Variants in TUBGCP2 observed in about 807,000 individuals in gnomAD.
The protein encoded by TUBGCP2 is gamma-tubulin complex component 2.
A neutral mutation model predicts 92.2 loss-of-function variants in TUBGCP2; 55 were observed. That is an observed-to-expected ratio of 0.60 (90% confidence interval 0.48 to 0.75). The LOEUF is 0.75. Among genes scored for constraint, TUBGCP2 ranks in the 30% least tolerant of loss-of-function variants. TUBGCP2 has a pLI of 0.00. For missense variants in TUBGCP2, 1,093 were observed against 1,188.9 expected (o/e 0.92, Z 1.19); for synonymous variants, 533 against 505.2 (o/e 1.06, Z -0.74).
intron 1 of TUBGCP2, among the ~76,000 whole-genome samples, 179 bp from the exon 2 acceptor site, chr10:133,303,159 C>T (rs3008351): frequency 2.0e-5 from 3 of 152,040 alleles, no homozygotes; most frequent in African/African-American, 7.2e-5. Flanking sequence ...TCTGCATGGG[C>T]CTGGGATTAG....
rs1847530425 is a variant in TUBGCP2, at chr10:133,298,011, G to A, written c.557C>T (p.Ala186Val). ...IFPAWVYERP[A>V]LIGDFLIGAG... ...ACCAATCAGGAAATCCCCGATCAGG[G>A]CAGGTCTCTCATACACCCATGCTGG... is the stretch of plus-strand genomic sequence containing the variant. Residue 186 changes from alanine (A) to valine (V), a missense_variant, in exon 5 of 18, where the codon GCC becomes GTC. Physicochemically the swap from Ala to Val is moderately conservative, Grantham distance 64. Coordinates refer to ENST00000252936, the MANE Select transcript of TUBGCP2 (RefSeq NM_006659.4). The A allele has an allele frequency of 2.5e-6, 4 of 1,613,970 alleles. No individual in the cohort carries two copies. Among genetic ancestry groups the A allele is most frequent in the Non-Finnish European group, 3.4e-6 (4 of 1,180,000 alleles).
chr10:133,311,934 T>G (rs764843962), upstream of TUBGCP2: 2 of 1,613,090 alleles, frequency 1.2e-6, no homozygotes, highest in Non-Finnish European at 1.7e-6. Flanking sequence ...CTTCTCATAC[T>G]GAATTCAGAA....
chr10:133,285,081 G>C lies in TUBGCP2; in HGVS notation c.2024+4C>G, dbSNP rs373269327. On this transcript the variant is annotated splice_donor_region_variant and intron_variant, in intron 13 of 17. Coordinates refer to ENST00000252936, the MANE Select transcript of TUBGCP2 (RefSeq NM_006659.4). This position sits in a 1 kb window ranked among gnomAD's most constrained non-coding sequence, Gnocchi z 6.8. ...GGGCATGCGGGGGCAGAGGAAGAAC[G>C]CACCACTGGGCGGAGTGCAGCGAGT... 65 of 1,597,814 alleles carry C rather than the reference G, an allele frequency of 4.1e-5. No homozygotes were observed. Among genetic ancestry groups the C allele is most frequent in the Non-Finnish European group, 5.5e-5 (64 of 1,168,638 alleles).
chr10:133,308,962 C>A (rs752943294), upstream of TUBGCP2: 538 of 1,240,250 alleles, frequency 4.3e-4, 1 homozygote, highest in South Asian at 4.1e-3. Flanking sequence ...GCCCCCCGCG[C>A]TGTGCGCCCG....
At position 133,297,990 on chromosome 10, in the gene TUBGCP2, A is replaced by G. The variant is rs11101682; in HGVS notation, c.578T>C (p.Ile193Thr). The G allele has an allele frequency of 3.7e-6, 6 of 1,613,948 alleles. No homozygotes were observed. Among genetic ancestry groups the G allele is most frequent in the Non-Finnish European group, 5.1e-6 (6 of 1,179,912 alleles). ...ERPALIGDFLIGAGISTDTAL... is the reference protein window; with the variant it reads ...ERPALIGDFLTGAGISTDTAL... ...GGTGTCTGTGCTGATGCCAGCACCA[A>G]TCAGGAAATCCCCGATCAGGGCAGG... The change falls in exon 5 of 18, where the codon ATT becomes ACT. Residue 193 changes from isoleucine (I) to threonine (T), a missense_variant. This residue lies in a region of TUBGCP2 where 490 missense variants were observed against 488.5 expected (regional missense o/e 1.00). Coordinates refer to ENST00000252936, the MANE Select transcript of TUBGCP2 (RefSeq NM_006659.4).
Position 133,297,506 on chromosome 10 carries a change from C to T in TUBGCP2, c.616+446G>A, listed in dbSNP as rs1351006910. 21 of 406,200 alleles carry T rather than the reference C, an allele frequency of 5.2e-5. 1 individual carries two copies. The highest frequency in any genetic ancestry group is 3.1e-4 in the South Asian group (17 of 54,272). 25.2% of individuals were successfully genotyped at this position (406,200 alleles called of 1,614,324 possible). A position where few individuals can be genotyped will look rare whatever the true frequency, so the allele number is the denominator to read the frequency against. ...CTTGAAATGACTGTGTGGTCTCACC[C>T]GCATCTTGTTTACACGAACACTACT... On this transcript the variant is annotated intron_variant, in intron 5 of 17. Coordinates refer to ENST00000252936, the MANE Select transcript of TUBGCP2 (RefSeq NM_006659.4).
At position 133,292,672 on chromosome 10, in the gene TUBGCP2, T is replaced by C. The variant is rs140362397; in HGVS notation, c.1041A>G (p.Lys347=). Residue 347 remains lysine, a synonymous_variant, in exon 8 of 18, where the codon AAA becomes AAG. Transcript: ENST00000252936. ...GCGTGGACCCCCCAAGACATTCGCC[T>C]TTGTCCACCGAGGTGGCTGTGGGGA... ...ILASLATSVD[K]GECLGGSTLS... 3.1e-6 allele frequency: 5 copies of C among 1,613,366 alleles called. No individual in the cohort carries two copies. The highest frequency in any genetic ancestry group is 1.3e-5 in the African/African-American group (1 of 74,884).
At chr10:133,301,310 C>T (rs1056967938) in intron 2 of TUBGCP2, among the ~76,000 whole-genome samples, 32 of 152,034 alleles carry the variant, frequency 2.1e-4, no homozygotes, top group African/African-American at 6.5e-4. Flanking sequence ...TTTTTAGTAG[C>T]GATGGGGTTT....
Position 133,293,029 on chromosome 10 carries a change from G to A in TUBGCP2, c.1024+10C>T, listed in dbSNP as rs375061031. 191 of 1,611,666 alleles carry A rather than the reference G, an allele frequency of 1.2e-4. No individual in the cohort carries two copies. The highest frequency in any genetic ancestry group is 5.9e-4 in the Middle Eastern group (3 of 5,090). ...CACCACTGCCCCATGCCCCCCGGGC[G>A]GGCACGCACCGAGGGAGGCCAGGAT... On this transcript the variant is annotated intron_variant, in intron 7 of 17. Coordinates refer to ENST00000252936, the MANE Select transcript of TUBGCP2 (RefSeq NM_006659.4).
chr10:133,285,745 G>A lies in TUBGCP2; in HGVS notation c.1723-117C>T, dbSNP rs1011252794. On this transcript the variant is annotated intron_variant, in intron 11 of 17. Coordinates refer to ENST00000252936, the MANE Select transcript of TUBGCP2 (RefSeq NM_006659.4). The surrounding 1 kb of genome is among the most constrained non-coding windows in gnomAD (Gnocchi z 6.8). ...GCTGACGTAAGGTTCCCTACATTCCGATTCTAAATATCAGAGGCTTTTCAA... is the reference window on the plus strand; with the variant it reads ...GCTGACGTAAGGTTCCCTACATTCCAATTCTAAATATCAGAGGCTTTTCAA... 1.7e-5 allele frequency: 17 copies of A among 990,346 alleles called. No homozygotes were observed. The highest frequency in any genetic ancestry group is 1.5e-4 in the Admixed American group (4 of 26,614). The allele number at this position is 990,346 out of a possible 1,614,324, so 61.3% of individuals were successfully genotyped here.
At chr10:133,303,656 G>A (rs999605809) in intron 1 of TUBGCP2, among the ~76,000 whole-genome samples, 3 of 152,166 alleles carry the variant, frequency 2.0e-5, no homozygotes, top group Admixed American at 6.5e-5. Context: ...CTCAGAGCCC[G>A]CGGTGCTCAG....
In TUBGCP2 at chr10:133,300,083, C is replaced by T; in HGVS notation, c.181G>A (p.Glu61Lys). ...TCATCATATTTCTTTAGAAAGTCTTCTGGAGTACGAGAAAACTCTGCAATT... is the reference window on the plus strand; with the variant it reads ...TCATCATATTTCTTTAGAAAGTCTTTTGGAGTACGAGAAAACTCTGCAATT... ...VKIAEFSRTPEDFLKKYDELK... is the reference protein window; with the variant it reads ...VKIAEFSRTPKDFLKKYDELK... The change falls in exon 3 of 18, where the codon GAA becomes AAA. Residue 61 changes from glutamate to lysine, a missense_variant. Glu to Lys is a moderately conservative substitution (Grantham distance 56). This residue lies in a region of TUBGCP2 where 490 missense variants were observed against 488.5 expected (regional missense o/e 1.00). Coordinates refer to ENST00000252936, the MANE Select transcript of TUBGCP2 (RefSeq NM_006659.4). 3.7e-6 allele frequency: 6 copies of T among 1,614,038 alleles called. No individual in the cohort carries two copies. The East Asian group carries it at 1.3e-4, about 36-fold the overall frequency.
intron 10 of TUBGCP2, among the ~76,000 whole-genome samples, chr10:133,288,572 C>T (rs1442969007): frequency 6.6e-6 from 1 of 152,256 alleles, no homozygotes; most frequent in East Asian, 1.9e-4. Context: ...TGTGCAACCA[C>T]CACGCAAGCT....
chr10:133,299,333 G>T, intron 4 of TUBGCP2, 94 bp downstream of exon 4: 3 of 1,089,228 alleles, frequency 2.8e-6, no homozygotes, highest in Non-Finnish European at 3.8e-6. Context: ...TTCCAGCAGG[G>T]GCCCGGCACA....
At chr10:133,288,448 GC>G (rs1220524629) in intron 10 of TUBGCP2, 139 bp from the exon 11 acceptor site, 1 of 1,070,676 alleles carries the variant, frequency 9.3e-7, no homozygotes, top group Non-Finnish European at 1.3e-6. Context: ...ACCCGCAGGT[GC>G]CCGCCACGGC....
intron 1 of TUBGCP2, among the ~76,000 whole-genome samples, chr10:133,304,918 T>C (rs542930168): frequency 2.6e-4 from 39 of 152,272 alleles, no homozygotes; most frequent in African/African-American, 6.7e-4. Context: ...CTAGCGGTGA[T>C]GCCAGCGTCT....
intron 11 of TUBGCP2, among the ~76,000 whole-genome samples, chr10:133,287,434 TA>T (rs759525960): frequency 6.6e-6 from 1 of 152,002 alleles, no homozygotes; most frequent in Non-Finnish European, 1.5e-5. Flanking sequence ...AAAAAACAGA[TA>T]AAACATATAT....
chr10:133,305,748 A>G (rs1847799973), intron 1 of TUBGCP2, among the ~76,000 whole-genome samples: 1 of 152,154 alleles, frequency 6.6e-6, no homozygotes, highest in African/African-American at 2.4e-5. Context: ...CAGGCAGGGT[A>G]TCTCCGAAAA....
rs369135480 is a variant in TUBGCP2 at position 133,300,769 on chromosome 10, C to T, written c.151-656G>A. 1.3e-4 allele frequency among the ~76,000 whole-genome samples: 20 copies of T among 152,364 alleles called. No homozygotes were observed. The East Asian group carries it at 2.3e-3, about 18-fold the overall frequency. On this transcript the variant is annotated intron_variant, in intron 2 of 17. Transcript: ENST00000252936. ...CGTTACAGGTGTGAGCCCCTGCGCCCGCCCTTTTATGCTTCTTCAGGTTTG... is the reference window on the plus strand; with the variant it reads ...CGTTACAGGTGTGAGCCCCTGCGCCTGCCCTTTTATGCTTCTTCAGGTTTG...
Sources: gnomAD v4.1 joint callset for allele counts (sites outside exome capture counted in the v4.1 genomes callset) on GRCh38, gnomAD v4.1.1 for gene constraint, gnomAD v4.1.1 regional missense constraint, Gnocchi (gnomAD v3.1) non-coding constraint, MANE v1.5 for transcripts, NCBI Gene and HGNC (gene_info 2026-07-23, HGNC 2026-07-21) for gene names.